DNASE1: variants seen among roughly 807,000 people sequenced by gnomAD.
DNASE1 encodes deoxyribonuclease 1, also known as deoxyribonuclease-1.
A neutral mutation model predicts 33.9 loss-of-function variants in DNASE1; 40 were observed. The ratio of observed to expected loss-of-function variants is 1.18; its 90% CI spans 0.92 to 1.54. The LOEUF (loss-of-function observed/expected upper bound fraction) is 1.54. Ranked by LOEUF, DNASE1 falls within the 40% of genes most tolerant of loss-of-function variation. The probability of loss-of-function intolerance (pLI) is 0.00; values close to 1 mark genes in which losing one functional copy is unlikely to be tolerated. For missense variants in DNASE1, 518 were observed against 372.6 expected (o/e 1.39, Z -3.21); for synonymous variants, 216 against 160.0 (o/e 1.35, Z -2.64).
In DNASE1 at chr16:3,663,305, CG is replaced by C. The variant is rs1237358956; in HGVS notation, c.*5357del. 5.1e-6 allele frequency: 7 copies of C among 1,365,782 alleles called. No individual in the cohort carries two copies. The African/African-American group carries it at 1.0e-4, about 20-fold the overall frequency. The allele number at this position is 1,365,782 out of a possible 1,614,324, so 84.6% of individuals were successfully genotyped here. Reference sequence around the variant, plus strand: ...CAGGGTGCTCCCACAAGGCTCTTCTCGGGGGTGGCTGAGCCCAGGTCAACTG... The same window carrying C: ...CAGGGTGCTCCCACAAGGCTCTTCTCGGGGTGGCTGAGCCCAGGTCAACTG... On this transcript the variant is annotated 3_prime_UTR_variant, in exon 10 of 10. Transcript: ENST00000407479.
chr16:3,617,326 CAAAAAAAAAAAAAA>C lies in DNASE1; in HGVS notation c.-1359+5334_-1359+5347del, dbSNP rs56670885. On this transcript the variant is annotated intron_variant and NMD_transcript_variant, in intron 1 of 11. Transcript: ENST00000570769. ...AGTCAACAAGAGCGAAACTCCATCT[CAAAAAAAAAAAAAA>C]AAAAAAAAAAAAAGAATACTACAAG... Among the ~76,000 whole-genome samples, 48 of 57,716 alleles carry C rather than the reference CAAAAAAAAAAAAAA, an allele frequency of 8.3e-4. 1 individual carries two copies. The highest frequency in any genetic ancestry group is 1.1e-3 in the Non-Finnish European group (32 of 28,398). The allele number at this position is 57,716 out of a possible 152,430, so 37.9% of individuals were successfully genotyped here.
downstream of DNASE1, chr16:3,661,966 G>A: frequency 1.9e-6 from 3 of 1,576,842 alleles, no homozygotes; most frequent in Middle Eastern, 1.7e-4. Flanking sequence ...CAGGCTGGAA[G>A]AGCCAGGAGC....
At chr16:3,613,894 A>G (rs2040999087) in intron 1 of DNASE1, among the ~76,000 whole-genome samples, 1 of 148,742 alleles carries the variant, frequency 6.7e-6, no homozygotes, top group South Asian at 2.1e-4. Context: ...GGCGCCCGCA[A>G]CCGCGCCTGG....
At chr16:3,640,319 C>T (rs946557485), upstream of DNASE1, among the ~76,000 whole-genome samples, 3 of 152,222 alleles carry the variant, frequency 2.0e-5, no homozygotes, top group Admixed American at 6.5e-5. Flanking sequence ...CTGCCTCCTC[C>T]CCAGGACTCT....
chr16:3,631,173 C>T (rs898343445), intron 1 of DNASE1, among the ~76,000 whole-genome samples: 1 of 151,918 alleles, frequency 6.6e-6, no homozygotes, highest in Non-Finnish European at 1.5e-5. Flanking sequence ...CAGGCGCATG[C>T]CATCACACCC....
downstream of DNASE1, chr16:3,658,647 T>G: frequency 1.3e-6 from 1 of 792,586 alleles, no homozygotes; most frequent in Non-Finnish European, 2.0e-6. Context: ...CACTCCAGCC[T>G]GGCAACAGAG....
At chr16:3,630,875 T>TA (rs1413166293) in intron 1 of DNASE1, among the ~76,000 whole-genome samples, 1 of 152,126 alleles carries the variant, frequency 6.6e-6, no homozygotes, top group Non-Finnish European at 1.5e-5. Flanking sequence ...AAGTTTCTTA[T>TA]AGATGGCATA....
upstream of DNASE1, among the ~76,000 whole-genome samples, chr16:3,641,777 C>A (rs1365191987): frequency 6.6e-6 from 1 of 152,122 alleles, no homozygotes; most frequent in African/African-American, 2.4e-5. Context: ...CTGGGTGGGG[C>A]TGCCCACTGG....
At chr16:3,663,753 C>T (rs1378885290) in exon 10 of DNASE1, 2 of 654,718 alleles carry the variant, frequency 3.1e-6, no homozygotes, top group East Asian at 5.6e-5. Flanking sequence ...TGACTGCCTT[C>T]AAGGCAGAAG....
downstream of DNASE1, chr16:3,659,708 C>T (rs2042952884): frequency 6.6e-6 from 1 of 151,994 alleles, no homozygotes; most frequent in South Asian, 2.1e-4. Flanking sequence ...GAGACTCAGC[C>T]ATTCCATTTC....
At chr16:3,662,249 A>T, downstream of DNASE1, 1 of 1,240,830 alleles carries the variant, frequency 8.1e-7, no homozygotes, top group African/African-American at 1.5e-5. Flanking sequence ...GGTCTCAAGG[A>T]CTCCCCTGGA....
chr16:3,656,033 C>T, intron 3 of DNASE1, 69 bp from the exon 4 acceptor site: 1 of 1,612,072 alleles, frequency 6.2e-7, no homozygotes, highest in East Asian at 2.2e-5. Flanking sequence ...TGGGCACAGC[C>T]TCGCTATCGG....
intron 1 of DNASE1, among the ~76,000 whole-genome samples, chr16:3,628,390 C>T (rs2041587207): frequency 6.6e-6 from 1 of 151,938 alleles, no homozygotes; most frequent in African/African-American, 2.4e-5. Flanking sequence ...ATTAATTTTA[C>T]TTTTTTCTTT....
chr16:3,613,877 G>A (rs2040998046), intron 1 of DNASE1, among the ~76,000 whole-genome samples: 1 of 151,026 alleles, frequency 6.6e-6, no homozygotes, highest in Admixed American at 6.6e-5. Flanking sequence ...GAGTAGCTGG[G>A]ATTACAGGCG....
At chr16:3,639,070 C>G (rs1713919071), upstream of DNASE1, among the ~76,000 whole-genome samples, 1 of 152,160 alleles carries the variant, frequency 6.6e-6, no homozygotes, top group African/African-American at 2.4e-5. Flanking sequence ...AGGTCAGTTT[C>G]TATTGACTGT....
At chr16:3,657,137 C>T in intron 6 of DNASE1, 26 bp downstream of exon 6, 2 of 1,614,096 alleles carry the variant, frequency 1.2e-6, no homozygotes, top group Admixed American at 1.7e-5. Context: ...GGGCAGTGGG[C>T]ACCAGCGGCC....
At chr16:3,625,719 T>A (rs909713308) in intron 1 of DNASE1, among the ~76,000 whole-genome samples, 1 of 152,122 alleles carries the variant, frequency 6.6e-6, no homozygotes, top group African/African-American at 2.4e-5. Flanking sequence ...GGCAAAAAAT[T>A]CTTAAACAGG....
At chr16:3,628,289 T>C (rs1388609314) in intron 1 of DNASE1, among the ~76,000 whole-genome samples, 1 of 152,200 alleles carries the variant, frequency 6.6e-6, no homozygotes, top group Non-Finnish European at 1.5e-5. Flanking sequence ...GCTGACTTTG[T>C]ATCCTGCTGC....
chr16:3,653,849 T>G (rs1279018001), upstream of DNASE1: 2 of 114,292 alleles, frequency 1.7e-5, no homozygotes, highest in African/African-American at 7.4e-5. Flanking sequence ...AAACTGAGCA[T>G]GGTAGCATGC....
Sources: allele counts gnomAD v4.1 joint callset (sites outside exome capture counted in the v4.1 genomes callset), GRCh38; gene constraint gnomAD v4.1.1; transcripts MANE v1.5; gene names NCBI Gene and HGNC (gene_info 2026-07-23, HGNC 2026-07-21).